CA4: variants seen among roughly 807,000 people sequenced by gnomAD.
CA4 encodes carbonic anhydrase 4.
Under a neutral mutation model 34.5 loss-of-function variants are expected in CA4, and 24 were observed. That is an observed-to-expected ratio of 0.70 (90% CI 0.50 to 0.98). The LOEUF (loss-of-function observed/expected upper bound fraction) is 0.98, where lower values mean the gene tolerates loss of function less well. Among genes scored for constraint, CA4 ranks in the 50% least tolerant of loss-of-function variants. The pLI, the probability that CA4 is intolerant of heterozygous loss-of-function variation, is 0.00. For missense variants in CA4, 394 were observed against 396.7 expected, an observed-to-expected ratio of 0.99 and a Z score of 0.06; for synonymous variants, 178 against 170.6, an observed-to-expected ratio of 1.04 and a Z score of -0.34.
chr17:60,173,001 G>A (rs910719302), downstream of CA4, among the ~76,000 whole-genome samples: 1 of 151,950 alleles, frequency 6.6e-6, no homozygotes, highest in African/African-American at 2.4e-5. Context: ...AAATTAGCTG[G>A]GTGTGGTGGC....
At chr17:60,151,915 C>G (rs1265445134) in intron 1 of CA4, among the ~76,000 whole-genome samples, 2 of 152,158 alleles carry the variant, frequency 1.3e-5, no homozygotes, top group African/African-American at 4.8e-5. Context: ...AGACCCCTGG[C>G]CGGGAGCGAC....
Position 60,159,442 on chromosome 17 carries a change from C to A in CA4, c.*18C>A, listed in dbSNP as rs761755192. ...TGCGATGATGGCTCACTTCTGCACG[C>A]AGCCTCTCTGTTGCCTCAGCTCTCC... On this transcript the variant is annotated 3_prime_UTR_variant, in exon 8 of 8. Coordinates refer to ENST00000300900, the MANE Select transcript of CA4 (RefSeq NM_000717.5). The A allele has an allele frequency of 6.8e-6, 11 of 1,608,546 alleles. No homozygotes were observed. The East Asian group carries it at 1.1e-4, about 16-fold the overall frequency.
intron 5 of CA4, among the ~76,000 whole-genome samples, chr17:60,164,738 G>T (rs932097853): frequency 3.9e-5 from 6 of 152,038 alleles, no homozygotes; most frequent in Admixed American, 6.6e-5. Flanking sequence ...AGGGACAGAG[G>T]ATTTAGGGAG....
At chr17:60,159,775 A>C (rs1456744518), downstream of CA4, among the ~76,000 whole-genome samples, 1 of 152,180 alleles carries the variant, frequency 6.6e-6, no homozygotes, top group Non-Finnish European at 1.5e-5. Flanking sequence ...TTGGAGCTTC[A>C]TCACAGCGGA....
intron 5 of CA4, among the ~76,000 whole-genome samples, chr17:60,166,383 A>T (rs192868469): frequency 3.3e-5 from 5 of 152,334 alleles, no homozygotes; most frequent in Non-Finnish European, 5.9e-5. Context: ...TGCTAGGATT[A>T]CAGCCATGAA....
chr17:60,153,553 G>A (rs890712946), intron 1 of CA4, among the ~76,000 whole-genome samples: 1 of 152,170 alleles, frequency 6.6e-6, no homozygotes, highest in Non-Finnish European at 1.5e-5. Context: ...CCTTTGCACT[G>A]CAGACTCAAC....
At chr17:60,166,732 C>A (rs1484994122) in intron 5 of CA4, among the ~76,000 whole-genome samples, 1 of 148,570 alleles carries the variant, frequency 6.7e-6, no homozygotes, top group African/African-American at 2.5e-5. Flanking sequence ...AAGGGGGGGG[C>A]GGATCACCTG....
At chr17:60,150,887 C>T (rs936717338) in intron 1 of CA4, among the ~76,000 whole-genome samples, 1 of 151,484 alleles carries the variant, frequency 6.6e-6, no homozygotes, top group African/African-American at 2.4e-5. Flanking sequence ...CGCAAGCTCC[C>T]CTGGCCTCCC....
rs867399647 is a variant in CA4, at chr17:60,156,891, C to T, written c.268+176C>T. 6.1e-5 allele frequency: 41 copies of T among 674,082 alleles called. 1 individual carries two copies. Among genetic ancestry groups the T allele is most frequent in the African/African-American group, 5.4e-4 (30 of 55,892 alleles). The allele number at this position is 674,082 out of a possible 1,614,324, so 41.8% of individuals were successfully genotyped here. On this transcript the variant is annotated intron_variant, in intron 3 of 7. Coordinates refer to ENST00000300900, the MANE Select transcript of CA4 (RefSeq NM_000717.5). ...AGGAGAGAGCACTCTAGTATGTTTT[C>T]GTTACTTTTGTCAGACCAGTCTGGG...
chr17:60,163,584 G>T (rs1285252389), downstream of CA4, among the ~76,000 whole-genome samples: 1 of 152,176 alleles, frequency 6.6e-6, no homozygotes, highest in Non-Finnish European at 1.5e-5. Flanking sequence ...ATCTGAGAGG[G>T]ACAAAGGCAT....
chr17:60,162,744 G>A (rs1025324224), downstream of CA4, among the ~76,000 whole-genome samples: 1 of 152,158 alleles, frequency 6.6e-6, no homozygotes, highest in Admixed American at 6.5e-5. Flanking sequence ...GGTGGGGGCC[G>A]TGCTGCAATC....
At chr17:60,177,894 G>T in the CA4 span, among the ~76,000 whole-genome samples, 1 of 151,792 alleles carries the variant, frequency 6.6e-6, no homozygotes, top group South Asian at 2.1e-4. Context: ...CAACTTGCAG[G>T]GTCTAAATGA....
downstream of CA4, among the ~76,000 whole-genome samples, chr17:60,160,698 C>T (rs1221265403): frequency 6.7e-6 from 1 of 148,608 alleles, no homozygotes; most frequent in Admixed American, 6.8e-5. Flanking sequence ...TTGCAGTAAG[C>T]CAAGATTGAA....
the CA4 span, among the ~76,000 whole-genome samples, chr17:60,178,662 A>C: frequency 2.0e-5 from 3 of 152,230 alleles, no homozygotes; most frequent in Non-Finnish European, 2.9e-5. Flanking sequence ...AAACATAAAT[A>C]CAACGGCAAA....
chr17:60,176,440 G>A, the CA4 span, among the ~76,000 whole-genome samples: 1 of 151,458 alleles, frequency 6.6e-6, no homozygotes, highest in East Asian at 2.0e-4. Flanking sequence ...TGTCTCCTTG[G>A]ATCTCCCAGA....
chr17:60,153,199 A>G (rs943411983), intron 1 of CA4, among the ~76,000 whole-genome samples: 2 of 152,126 alleles, frequency 1.3e-5, no homozygotes, highest in Admixed American at 6.5e-5. Flanking sequence ...TTAGCTGGGC[A>G]TGGTGGTACA....
chr17:60,166,732 C>T (rs1484994122), intron 5 of CA4, among the ~76,000 whole-genome samples: 2 of 148,570 alleles, frequency 1.3e-5, no homozygotes, highest in African/African-American at 2.5e-5. Flanking sequence ...AAGGGGGGGG[C>T]GGATCACCTG....
chr17:60,150,099 T>G lies in CA4; in HGVS notation c.58+7T>G. 2 of 1,594,630 alleles carry G rather than the reference T, an allele frequency of 1.3e-6. No homozygotes were observed. The highest frequency in any genetic ancestry group is 2.2e-5 in the East Asian group (1 of 44,628). On this transcript the variant is annotated splice_region_variant and intron_variant, in intron 1 of 7. Coordinates refer to ENST00000300900, the MANE Select transcript of CA4 (RefSeq NM_000717.5). ...CGGCCATCGGCCAGTGCAGGTGAGC[T>G]CCCGGGCTCCGGCCCCAGGTGCCCC...
chr17:60,163,409 T>G (rs1365176644), downstream of CA4, among the ~76,000 whole-genome samples: 1 of 152,124 alleles, frequency 6.6e-6, no homozygotes, highest in African/African-American at 2.4e-5. Flanking sequence ...CCTCAGTTCA[T>G]CCATCTGCAG....
Sources: allele counts gnomAD v4.1 joint callset (sites outside exome capture counted in the v4.1 genomes callset), GRCh38; gene constraint gnomAD v4.1.1; transcripts MANE v1.5; gene names NCBI Gene and HGNC (gene_info 2026-07-23, HGNC 2026-07-21).